The following SPRED2 variants were observed in gnomAD, a reference collection of about 807,000 sequenced individuals.
SPRED2 encodes the protein sprouty-related, EVH1 domain-containing protein 2.
In SPRED2, 47 loss-of-function variants were observed where a neutral mutation model predicts 43.0. That is an observed-to-expected ratio of 1.09 (90% CI 0.87 to 1.40). The LOEUF (loss-of-function observed/expected upper bound fraction) is 1.40, where lower values mean the gene tolerates loss of function less well. Ranked by LOEUF, SPRED2 falls within the 40% of genes most tolerant of loss-of-function variation. SPRED2 has a pLI of 0.00. For synonymous variants in SPRED2, 225 were observed against 225.7 expected (o/e 1.00, Z 0.03); for missense variants, 561 against 586.4 (o/e 0.96, Z 0.45).
rs185802512 is a variant in SPRED2, at chr2:65,364,295, C to T, written c.27-19399G>A. Among the ~76,000 whole-genome samples the T allele has an allele frequency of 4.6e-5, 7 of 152,326 alleles. No homozygotes were observed. In the East Asian group the frequency reaches 1.4e-3, roughly 29 times the overall value. On this transcript the variant is annotated intron_variant, in intron 1 of 5. Transcript: ENST00000356388. ...GAATTAAGAGAAGAACCGGACTGGG[C>T]TCAGATTTGAAACACTTTTAAATGT...
rs1312661669 is a variant in SPRED2 at position 65,406,212 on chromosome 2, T to C, written c.26+25750A>G. Among the ~76,000 whole-genome samples the C allele has an allele frequency of 2.0e-5, 3 of 152,310 alleles. No homozygotes were observed. In the East Asian group the frequency reaches 5.8e-4, roughly 29 times the overall value. On this transcript the variant is annotated intron_variant, in intron 1 of 5. Transcript: ENST00000356388. ...TCCTTCAGAGCCACAAAGACCCTGC[T>C]GGAGGCAGAAAATTCTGCTAAATGT...
intron 1 of SPRED2, among the ~76,000 whole-genome samples, chr2:65,395,323 C>T (rs1675730246): frequency 6.6e-6 from 1 of 152,318 alleles, no homozygotes; most frequent in East Asian, 1.9e-4. Flanking sequence ...CCAACCTGAC[C>T]TTCAAGTCTG....
intron 1 of SPRED2, among the ~76,000 whole-genome samples, chr2:65,421,853 C>T (rs1244452283): frequency 6.6e-6 from 1 of 152,146 alleles, no homozygotes; most frequent in African/African-American, 2.4e-5. Context: ...ATTTTTTATA[C>T]GAGAAAACTG....
intron 1 of SPRED2, among the ~76,000 whole-genome samples, chr2:65,408,133 T>C (rs1286207892): frequency 6.6e-6 from 1 of 152,202 alleles, no homozygotes; most frequent in Non-Finnish European, 1.5e-5. Flanking sequence ...AGGAGCAAGA[T>C]CCTTCCCTTC....
At chr2:65,391,087 CAAA>C (rs572027285) in intron 1 of SPRED2, among the ~76,000 whole-genome samples, 3 of 127,182 alleles carry the variant, frequency 2.4e-5, no homozygotes, top group Non-Finnish European at 3.3e-5. Context: ...GACTCCATCT[CAAA>C]AAAAAAAAAA....
intron 1 of SPRED2, among the ~76,000 whole-genome samples, chr2:65,414,543 G>A (rs1475227929): frequency 6.6e-6 from 1 of 152,210 alleles, no homozygotes; most frequent in Non-Finnish European, 1.5e-5. Context: ...TCCCCTGAAT[G>A]TCTGGGAAGG....
At chr2:65,320,815 A>G (rs768486609) in intron 4 of SPRED2, among the ~76,000 whole-genome samples, 6 of 152,128 alleles carry the variant, frequency 3.9e-5, no homozygotes, top group African/African-American at 9.7e-5. Context: ...GGGAAAAAAA[A>G]TCTCCTTTTA....
Position 65,313,579 on chromosome 2 carries a change from A to T in SPRED2, c.1179T>A (p.Cys393Ter). The change falls in exon 6 of 6, where the codon TGT (cysteine) becomes TGA (stop). Residue 393 changes from cysteine (C) to a stop codon, truncating the protein, a stop_gained. Coordinates refer to ENST00000356388, the MANE Select transcript of SPRED2 (RefSeq NM_181784.3). LOFTEE classifies it high-confidence loss of function. The stretch of plus-strand genomic sequence containing the variant: ...GGTAGCAGGCCCGAAGGGGCAGGTA[A>T]CAGCACATACAGGGGGCCAGGAAAG... ...ALSFLAPCMCCYLPLRACYHC... is the reference protein window; with the variant it reads ...ALSFLAPCMC The T allele has an allele frequency of 6.2e-7, 1 of 1,614,212 alleles. No individual in the cohort carries two copies.
chr2:65,334,842 T>C, intron 2 of SPRED2, 69 bp from the exon 3 acceptor site: 1 of 1,546,818 alleles, frequency 6.5e-7, no homozygotes, highest in Non-Finnish European at 8.9e-7. Context: ...TACAGAAGTC[T>C]AATTAGGAAC....
At chr2:65,381,093 A>C (rs1185044404) in intron 1 of SPRED2, among the ~76,000 whole-genome samples, 1 of 152,164 alleles carries the variant, frequency 6.6e-6, no homozygotes, top group Non-Finnish European at 1.5e-5. Context: ...GGTCAAACCA[A>C]ATAGGCAGCC....
chr2:65,418,953 T>C (rs1362400513), intron 1 of SPRED2, among the ~76,000 whole-genome samples: 3 of 152,200 alleles, frequency 2.0e-5, no homozygotes, highest in Admixed American at 6.5e-5. Context: ...CTGCTTGCAA[T>C]ATTTAGAATG....
At chr2:65,363,958 A>G (rs1674896828) in intron 1 of SPRED2, among the ~76,000 whole-genome samples, 4 of 152,180 alleles carry the variant, frequency 2.6e-5, no homozygotes. Context: ...CAGGATTCAA[A>G]TGCTCTCCCT....
At chr2:65,346,328 A>AT (rs142250100) in intron 1 of SPRED2, among the ~76,000 whole-genome samples, 5,692 of 144,190 alleles carry the variant, frequency 0.039, 226 homozygotes, top group African/African-American at 0.1. Flanking sequence ...CATTCCTTTC[A>AT]TTTTTTTTTT....
intron 1 of SPRED2, among the ~76,000 whole-genome samples, chr2:65,422,814 C>T (rs1247017196): frequency 4.6e-5 from 7 of 152,214 alleles, no homozygotes; most frequent in African/African-American, 1.7e-4. Flanking sequence ...TGTGCTCACA[C>T]ACAGATCAAT....
At chr2:65,427,545 T>C (rs72808011) in intron 1 of SPRED2, among the ~76,000 whole-genome samples, 1,887 of 152,322 alleles carry the variant, frequency 0.012, 48 homozygotes, top group African/African-American at 0.042. Flanking sequence ...TCAGTTAACA[T>C]AGATCTAACA....
intron 1 of SPRED2, among the ~76,000 whole-genome samples, chr2:65,417,289 C>T (rs1676307744): frequency 6.6e-5 from 10 of 152,162 alleles, no homozygotes; most frequent in Admixed American, 6.5e-4. Context: ...GTGCAAAAAC[C>T]TTGGAACTTC....
At chr2:65,362,882 AAAG>A (rs1366048203) in intron 1 of SPRED2, among the ~76,000 whole-genome samples, 1 of 151,210 alleles carries the variant, frequency 6.6e-6, no homozygotes, top group African/African-American at 2.4e-5. Flanking sequence ...AAAGAAAAGA[AAAG>A]AAAAAAACGG....
At chr2:65,376,574 A>G (rs1675243477) in intron 1 of SPRED2, among the ~76,000 whole-genome samples, 1 of 152,128 alleles carries the variant, frequency 6.6e-6, no homozygotes, top group East Asian at 1.9e-4. Flanking sequence ...AGTGGTACCC[A>G]TTTCTTAAAG....
intron 1 of SPRED2, among the ~76,000 whole-genome samples, chr2:65,394,718 T>C (rs937558965): frequency 1.3e-5 from 2 of 152,168 alleles, no homozygotes; most frequent in Non-Finnish European, 2.9e-5. Flanking sequence ...ATGAGGGGTT[T>C]TGCTTACTAT....
Sources: gnomAD v4.1 joint callset for allele counts (sites outside exome capture counted in the v4.1 genomes callset) on GRCh38, gnomAD v4.1.1 for gene constraint, MANE v1.5 for transcripts, NCBI Gene and HGNC (gene_info 2026-07-23, HGNC 2026-07-21) for gene names.